The following MYBPC1 variants were observed in gnomAD, a reference collection of about 807,000 sequenced individuals.
The protein encoded by MYBPC1 is myosin-binding protein C, slow-type.
Under a neutral mutation model 147.1 loss-of-function variants are expected in MYBPC1, and 52 were observed. The ratio of observed to expected loss-of-function variants is 0.35; its 90% CI spans 0.28 to 0.45. The LOEUF (loss-of-function observed/expected upper bound fraction) is 0.45, where lower values mean the gene tolerates loss of function less well. MYBPC1 is among the 20% of genes least tolerant of loss of function. MYBPC1 has a pLI of 1.00. For missense variants in MYBPC1, 1,228 were observed against 1,440.3 expected (o/e 0.85, Z 2.39); for synonymous variants, 477 against 475.9 (o/e 1.00, Z -0.03).
chr12:101,670,769 C>T (rs1187335714), intron 24 of MYBPC1, among the ~76,000 whole-genome samples: 1 of 152,190 alleles, frequency 6.6e-6, no homozygotes, highest in Non-Finnish European at 1.5e-5. Flanking sequence ...TTAAGTGAAG[C>T]TCTCAGTGTA....
intron 1 of MYBPC1, among the ~76,000 whole-genome samples, chr12:101,603,198 G>A (rs148364247): frequency 6.6e-6 from 1 of 151,992 alleles, no homozygotes; most frequent in African/African-American, 2.4e-5. Context: ...TACAAAATTA[G>A]CAGGGCATGG....
intron 15 of MYBPC1, among the ~76,000 whole-genome samples, chr12:101,650,096 G>A (rs1265308962): frequency 6.6e-6 from 1 of 152,174 alleles, no homozygotes; most frequent in Non-Finnish European, 1.5e-5. Flanking sequence ...TTATGGATCT[G>A]TGGCCATTTT....
chr12:101,626,833 C>T (rs773276085), intron 3 of MYBPC1, 39 bp from the exon 4 acceptor site: 10 of 1,562,748 alleles, frequency 6.4e-6, no homozygotes, highest in Non-Finnish European at 8.8e-6. Context: ...GGGATGAAGT[C>T]TTTTCTCCTT....
chr12:101,601,292 C>T (rs554254454), intron 1 of MYBPC1, among the ~76,000 whole-genome samples: 56 of 152,278 alleles, frequency 3.7e-4, no homozygotes, highest in Non-Finnish European at 2.6e-4. Context: ...ACTGTCTTGT[C>T]GTAATTCTGC....
At chr12:101,680,569 G>T (rs1176430080) in intron 29 of MYBPC1, 40 bp downstream of exon 29, 62 of 1,599,934 alleles carry the variant, frequency 3.9e-5, no homozygotes, top group Non-Finnish European at 5.1e-5. Flanking sequence ...TAAAGTTAAA[G>T]AAAATCATTG....
intron 1 of MYBPC1, among the ~76,000 whole-genome samples, chr12:101,613,253 T>C (rs531872277): frequency 1.3e-5 from 2 of 152,302 alleles, no homozygotes; most frequent in African/African-American, 4.8e-5. Flanking sequence ...ATTCCAGCCT[T>C]CCTAGACTAG....
chr12:101,629,587 G>T (rs200264981), intron 6 of MYBPC1, 43 bp downstream of exon 6: 176 of 1,434,678 alleles, frequency 1.2e-4, no homozygotes, highest in Admixed American at 3.3e-4. Flanking sequence ...AAAAAATTAA[G>T]GTGAGCCGAG....
chr12:101,649,712 A>G (rs1894005281), intron 15 of MYBPC1, among the ~76,000 whole-genome samples: 1 of 152,238 alleles, frequency 6.6e-6, no homozygotes, highest in South Asian at 2.1e-4. Context: ...AAATACTTAG[A>G]TACGATGTCA....
chr12:101,662,149 A>T (rs1007972089), intron 20 of MYBPC1, among the ~76,000 whole-genome samples: 1 of 151,960 alleles, frequency 6.6e-6, no homozygotes, highest in African/African-American at 2.4e-5. Flanking sequence ...GTATAATTTT[A>T]ATTTCTTAGT....
intron 24 of MYBPC1, among the ~76,000 whole-genome samples, chr12:101,671,278 A>G (rs1898606083): frequency 6.6e-6 from 1 of 151,138 alleles, no homozygotes; most frequent in Non-Finnish European, 1.5e-5. Context: ...TGGCCTTAGA[A>G]TGTAGGTCTC....
At chr12:101,609,864 G>A (rs533018359) in intron 1 of MYBPC1, among the ~76,000 whole-genome samples, 86 of 152,296 alleles carry the variant, frequency 5.6e-4, no homozygotes, top group African/African-American at 1.9e-3. Flanking sequence ...AATTTAGGTT[G>A]CAAGGATGCT....
intron 1 of MYBPC1, among the ~76,000 whole-genome samples, chr12:101,598,995 A>T (rs1878678122): frequency 1.3e-5 from 2 of 152,154 alleles, no homozygotes; most frequent in South Asian, 4.1e-4. Flanking sequence ...TATTATATTT[A>T]ATGTACTTAA....
At chr12:101,679,942 G>A (rs1950828360) in intron 28 of MYBPC1, among the ~76,000 whole-genome samples, 1 of 152,172 alleles carries the variant, frequency 6.6e-6, no homozygotes, top group South Asian at 2.1e-4. Flanking sequence ...ACAATATGAT[G>A]ATTTGATATA....
At chr12:101,686,751 T>C (rs574581270), downstream of MYBPC1, among the ~76,000 whole-genome samples, 43 of 152,328 alleles carry the variant, frequency 2.8e-4, no homozygotes, top group South Asian at 7.5e-3. Flanking sequence ...CTCTTTTTTC[T>C]TTCCAGATTT....
chr12:101,667,817 T>C lies in MYBPC1; in HGVS notation c.2442T>C (p.Phe814=). The change falls in exon 23 of 32, where the codon TTT becomes TTC. Residue 814 remains phenylalanine, a synonymous_variant. Coordinates refer to ENST00000361466, the MANE Select transcript of MYBPC1 (RefSeq NM_002465.4). The part of the protein sequence containing the change: ...ITGLPTDAKI[F]VRVKAVNAAG... ...GTCTGCCAACAGATGCAAAGATCTT[T>C]GTGCGTGTGAAGGCTGTTAATGCAG... The C allele has an allele frequency of 1.2e-6, 2 of 1,614,184 alleles. No individual in the cohort carries two copies. Among genetic ancestry groups the C allele is most frequent in the Non-Finnish European group, 1.7e-6 (2 of 1,180,028 alleles).
At chr12:101,608,168 G>C (rs533666958) in intron 1 of MYBPC1, among the ~76,000 whole-genome samples, 1 of 152,204 alleles carries the variant, frequency 6.6e-6, no homozygotes, top group African/African-American at 2.4e-5. Flanking sequence ...TTTCAGTGCT[G>C]CAGAGGGAGA....
chr12:101,595,226 C>T, intron 1 of MYBPC1, 131 bp downstream of exon 1: 6 of 871,346 alleles, frequency 6.9e-6, no homozygotes, highest in Non-Finnish European at 1.1e-5. Context: ...AGGAAACGAT[C>T]TTTTAGATTA....
chr12:101,613,381 T>C (rs1440868069), intron 1 of MYBPC1, among the ~76,000 whole-genome samples: 3 of 152,238 alleles, frequency 2.0e-5, no homozygotes, highest in Admixed American at 1.3e-4. Context: ...AAATCCCATA[T>C]GCTGACAAAG....
intron 13 of MYBPC1, among the ~76,000 whole-genome samples, chr12:101,647,268 T>C (rs1425187075): frequency 2.0e-5 from 3 of 152,144 alleles, no homozygotes; most frequent in African/African-American, 4.8e-5. Context: ...TACTAAGACA[T>C]TGTGAAAAGA....
Sources: allele counts gnomAD v4.1 joint callset (sites outside exome capture counted in the v4.1 genomes callset), GRCh38; gene constraint gnomAD v4.1.1; transcripts MANE v1.5; gene names NCBI Gene and HGNC (gene_info 2026-07-23, HGNC 2026-07-21).